The following CTTN variants were observed in gnomAD, a reference collection of about 807,000 sequenced individuals.
CTTN encodes the protein cortactin.
In CTTN, 28 loss-of-function variants were observed where a neutral mutation model predicts 84.0. That is an observed-to-expected ratio of 0.33 (90% CI 0.25 to 0.46). The LOEUF (loss-of-function observed/expected upper bound fraction) is 0.46, where lower values mean the gene tolerates loss of function less well. Ranked by LOEUF, CTTN falls within the 20% of genes least tolerant of loss-of-function variation. The pLI is 1.00. For missense variants in CTTN, 641 were observed against 723.8 expected, an observed-to-expected ratio of 0.89 and a Z score of 1.31; for synonymous variants, 301 against 288.8, an observed-to-expected ratio of 1.04 and a Z score of -0.43.
intron 12 of CTTN, among the ~76,000 whole-genome samples, chr11:70,424,958 T>C (rs2058284591): frequency 1.3e-5 from 2 of 152,030 alleles, no homozygotes; most frequent in Non-Finnish European, 2.9e-5. Context: ...CACTGGGTAG[T>C]GTGTAGGACG....
At position 70,415,861 on chromosome 11, in the gene CTTN, G is replaced by A. The variant is rs185543743; in HGVS notation, c.457+144G>A. 2,067 of 744,928 alleles carry A rather than the reference G, an allele frequency of 2.8e-3. 7 individuals carry two copies. The highest frequency in any genetic ancestry group is 4.2e-3 in the Non-Finnish European group (1,781 of 419,962). The allele number at this position is 744,928 out of a possible 1,614,324, so 46.1% of individuals were successfully genotyped here. ...TGAAGCCGTTTCCTGAGCGGTGGCTGTTGCCACAAGGAGGACTCTGCCCTC... is the reference window on the plus strand; with the variant it reads ...TGAAGCCGTTTCCTGAGCGGTGGCTATTGCCACAAGGAGGACTCTGCCCTC... On this transcript the variant is annotated intron_variant, in intron 7 of 17. Coordinates refer to ENST00000301843, the MANE Select transcript of CTTN (RefSeq NM_005231.4).
At chr11:70,421,817 T>G in intron 11 of CTTN, 1 of 505,988 alleles carries the variant, frequency 2.0e-6, no homozygotes, top group Non-Finnish European at 3.5e-6. Flanking sequence ...CGCCAGTTAG[T>G]GTGTGGGTGC....
intron 5 of CTTN, among the ~76,000 whole-genome samples, chr11:70,412,694 A>G (rs993852853): frequency 3.9e-5 from 6 of 152,110 alleles, no homozygotes; most frequent in South Asian, 2.1e-4. Context: ...GGCTGCATCC[A>G]TCACGCGGGG....
chr11:70,429,447 G>A (rs527247219), intron 14 of CTTN, among the ~76,000 whole-genome samples: 32 of 152,168 alleles, frequency 2.1e-4, no homozygotes, highest in Non-Finnish European at 3.8e-4. Context: ...CCAGCCCCAG[G>A]ACCCGCCAAC....
intron 5 of CTTN, among the ~76,000 whole-genome samples, chr11:70,411,745 G>A (rs1035202745): frequency 1.3e-5 from 2 of 152,090 alleles, no homozygotes; most frequent in Admixed American, 6.5e-5. Flanking sequence ...AGGCCTTCCC[G>A]AGTGCCAGGA....
Position 70,404,884 on chromosome 11 carries a change from C to CCCAGCTACTTGGGAGGCTGAGG in CTTN, c.-97-379_-97-358dup, listed in dbSNP as rs569153204. Among the ~76,000 whole-genome samples, 15 of 152,332 alleles carry CCCAGCTACTTGGGAGGCTGAGG rather than the reference C, an allele frequency of 9.8e-5. No homozygotes were observed. In the South Asian group the frequency reaches 3.1e-3, roughly 32 times the overall value. On this transcript the variant is annotated intron_variant, in intron 1 of 17. Coordinates refer to ENST00000301843, the MANE Select transcript of CTTN (RefSeq NM_005231.4). The stretch of plus-strand genomic sequence containing the variant: ...GGGCGTGGTGGCGCCTGCCTGTAAT[C>CCCAGCTACTTGGGAGGCTGAGG]CCAGCTACTTGGGAGGCTGAGGCAG...
chr11:70,407,244 C>A (rs1396675298), intron 2 of CTTN, 54 bp from the exon 3 acceptor site: 1 of 1,467,228 alleles, frequency 6.8e-7, no homozygotes, highest in East Asian at 2.5e-5. Context: ...CATCTGCTGG[C>A]CTCTGTGGAT....
In CTTN at chr11:70,433,249, G is replaced by A; in HGVS notation, c.1415G>A (p.Ser472Asn). The part of the protein sequence containing the change: ...LAYATEAVYE[S>N]AEAPGHYPAE... The stretch of plus-strand genomic sequence containing the variant: ...TATGCCACAGAGGCTGTCTATGAAA[G>A]CGCAGAGGCCCCGGGCCACTATCCC... Residue 472 changes from serine to asparagine, a missense_variant, in exon 16 of 18, where the codon AGC becomes AAC. Around this residue, in one of 3 missense-constraint regions of CTTN, gnomAD observed 289 missense variants for 273.1 expected, o/e 1.06. Coordinates refer to ENST00000301843, the MANE Select transcript of CTTN (RefSeq NM_005231.4). 6.2e-7 allele frequency: 1 copy of A among 1,612,586 alleles called. No homozygotes were observed. Among genetic ancestry groups the A allele is most frequent in the African/African-American group, 1.3e-5 (1 of 75,024 alleles).
intron 15 of CTTN, among the ~76,000 whole-genome samples, chr11:70,432,874 G>A (rs979620113): frequency 2.6e-5 from 4 of 152,144 alleles, no homozygotes; most frequent in Non-Finnish European, 4.4e-5. Flanking sequence ...CTGGAGTGTC[G>A]GTGGTGAGGA....
chr11:70,424,087 A>G (rs2058274174), intron 12 of CTTN, among the ~76,000 whole-genome samples: 1 of 152,120 alleles, frequency 6.6e-6, no homozygotes, highest in South Asian at 2.1e-4. Context: ...TGTGGGTGTC[A>G]GCGAGAGAGA....
At chr11:70,414,358 C>T (rs1193904206) in intron 5 of CTTN, among the ~76,000 whole-genome samples, 184 bp from the exon 6 acceptor site, 1 of 151,222 alleles carries the variant, frequency 6.6e-6, no homozygotes, top group Non-Finnish European at 1.5e-5. Flanking sequence ...AAAAAAAAAG[C>T]CTGCACCAAG....
At chr11:70,404,674 C>T (rs918538322) in intron 1 of CTTN, among the ~76,000 whole-genome samples, 8 of 152,188 alleles carry the variant, frequency 5.3e-5, no homozygotes, top group African/African-American at 1.9e-4. Flanking sequence ...TGCATACTAG[C>T]AATTAAGGCA....
chr11:70,436,459 CAA>C lies in CTTN; in HGVS notation c.*1298_*1299del. 1 of 1,518,530 alleles carries C rather than the reference CAA, an allele frequency of 6.6e-7. No individual in the cohort carries two copies. The highest frequency in any genetic ancestry group is 1.4e-5 in the African/African-American group (1 of 73,294). 94.1% of individuals were successfully genotyped at this position (1,518,530 alleles called of 1,614,324 possible). ...TTTTCTCATCATCCTTGCTTTACCA[CAA>C]TGAGCAATGAGGTCGGGTTTTATAT... On this transcript the variant is annotated 3_prime_UTR_variant, in exon 18 of 18. Transcript: ENST00000301843.
chr11:70,432,912 A>G (rs1013686785), intron 15 of CTTN, among the ~76,000 whole-genome samples, 189 bp from the exon 16 acceptor site: 3 of 152,178 alleles, frequency 2.0e-5, no homozygotes, highest in Admixed American at 6.5e-5. Flanking sequence ...AGGAAATGGC[A>G]TGTGGGCACT....
At position 70,414,493 on chromosome 11, in the gene CTTN, G is replaced by A. The variant is rs773143619; in HGVS notation, c.292-49G>A. On this transcript the variant is annotated intron_variant, in intron 5 of 17. Transcript: ENST00000301843. ...GCCCTGCTCTGGGAGGAAGTGAAGC[G>A]CCGCAGTGTTGTTGGTGTCTAATGC... is the stretch of plus-strand genomic sequence containing the variant. The A allele has an allele frequency of 2.4e-5, 33 of 1,365,840 alleles. 1 individual carries two copies. The South Asian group carries it at 2.5e-4, about 10-fold the overall frequency. The allele number at this position is 1,365,840 out of a possible 1,614,324, so 84.6% of individuals were successfully genotyped here.
intron 1 of CTTN, among the ~76,000 whole-genome samples, chr11:70,400,448 C>T (rs1349462796): frequency 1.3e-5 from 2 of 151,792 alleles, no homozygotes; most frequent in Non-Finnish European, 2.9e-5. Context: ...GGTGACAGAG[C>T]GAGACCCTGT....
At chr11:70,423,400 G>A (rs1438922343) in intron 12 of CTTN, among the ~76,000 whole-genome samples, 3 of 152,244 alleles carry the variant, frequency 2.0e-5, no homozygotes, top group Non-Finnish European at 4.4e-5. Flanking sequence ...CTGCGTGTGC[G>A]GTGATGAGCC....
In CTTN at chr11:70,407,280, C is replaced by T. The variant is rs959961129; in HGVS notation, c.1-18C>T. 6 of 1,549,126 alleles carry T rather than the reference C, an allele frequency of 3.9e-6. No homozygotes were observed. In the African/African-American group the frequency reaches 8.2e-5, roughly 21 times the overall value. On this transcript the variant is annotated intron_variant, in intron 2 of 17. Coordinates refer to ENST00000301843, the MANE Select transcript of CTTN (RefSeq NM_005231.4). Reference sequence around the variant, plus strand: ...GGCGCCCTGAGGCCTCCGTAACCCTCCCCGGCTGCTCTTTCAGATGTGGAA... The same window carrying T: ...GGCGCCCTGAGGCCTCCGTAACCCTTCCCGGCTGCTCTTTCAGATGTGGAA...
At position 70,404,594 on chromosome 11, in the gene CTTN, T is replaced by C. The variant is rs186775017; in HGVS notation, c.-97-671T>C. 3.3e-5 allele frequency among the ~76,000 whole-genome samples: 5 copies of C among 152,388 alleles called. No individual in the cohort carries two copies. The East Asian group carries it at 9.6e-4, about 29-fold the overall frequency. The stretch of plus-strand genomic sequence containing the variant: ...TTTTAAAAAGCTCACAGTAACAATT[T>C]TATTTTATAATGTCATTAATTAGAA... On this transcript the variant is annotated intron_variant, in intron 1 of 17. Coordinates refer to ENST00000301843, the MANE Select transcript of CTTN (RefSeq NM_005231.4).
Sources: gnomAD v4.1 joint callset for allele counts (sites outside exome capture counted in the v4.1 genomes callset) on GRCh38, gnomAD v4.1.1 for gene constraint, gnomAD v4.1.1 regional missense constraint, MANE v1.5 for transcripts, NCBI Gene and HGNC (gene_info 2026-07-23, HGNC 2026-07-21) for gene names.